The following ELMO2 variants were observed in gnomAD, a reference collection of about 807,000 sequenced individuals.
ELMO2 encodes the protein engulfment and cell motility protein 2.
Under a neutral mutation model 96.2 loss-of-function variants are expected in ELMO2, and 37 were observed. The ratio of observed to expected loss-of-function variants is 0.38; its 90% CI spans 0.30 to 0.51. ELMO2 has a LOEUF of 0.51. Ranked by LOEUF, ELMO2 falls within the 20% of genes least tolerant of loss-of-function variation. The pLI is 0.88. For missense variants in ELMO2, 561 were observed against 912.6 expected (o/e 0.61, Z 4.96); for synonymous variants, 315 against 329.4 (o/e 0.96, Z 0.47).
rs1394806445 is a variant in ELMO2, at chr20:46,371,926, G to C, written c.1460C>G (p.Ser487Cys). Residue 487 changes from serine to cysteine, a missense_variant, in exon 17 of 22, where the codon TCC (serine) becomes TGC (cysteine). Transcript: ENST00000290246. The surrounding 1 kb of genome is among the most constrained non-coding windows in gnomAD (Gnocchi z 5.9). ...VREQITRALPSKPNSLDQFKS... is the reference protein window; with the variant it reads ...VREQITRALPCKPNSLDQFKS... ...GAACTGATCCAAAGAGTTGGGTTTG[G>C]AGGGCAAAGCTCGAGTGATTTGCTC... 8 of 1,614,032 alleles carry C rather than the reference G, an allele frequency of 5.0e-6. No homozygotes were observed. Among genetic ancestry groups the C allele is most frequent in the Non-Finnish European group, 5.1e-6 (6 of 1,180,048 alleles).
intron 1 of ELMO2, among the ~76,000 whole-genome samples, chr20:46,404,659 C>G (rs1568796025): frequency 6.6e-6 from 1 of 152,198 alleles, no homozygotes; most frequent in South Asian, 2.1e-4. Context: ...TAGGTGGTTA[C>G]TAAGCACTTG....
rs1164210713 is a variant in ELMO2, at chr20:46,373,877, C to CA, written c.1280-343dup. On this transcript the variant is annotated intron_variant, in intron 15 of 21. Transcript: ENST00000290246. ...TATCAGCTGATGCAGTGATTTAAAA[C>CA]AAAAAACAAAATTAAAAACCCACCT... Among the ~76,000 whole-genome samples the CA allele has an allele frequency of 1.2e-4, 18 of 147,398 alleles. No individual in the cohort carries two copies. The East Asian group carries it at 3.6e-3, about 29-fold the overall frequency.
chr20:46,404,015 T>A (rs1600902941), intron 1 of ELMO2, among the ~76,000 whole-genome samples: 1 of 151,350 alleles, frequency 6.6e-6, no homozygotes, highest in Non-Finnish European at 1.5e-5. Context: ...ACGTGGGAGG[T>A]GGAGGTTGCA....
chr20:46,373,392 C>T lies in ELMO2; in HGVS notation c.1416+7G>A, dbSNP rs190370104. The T allele has an allele frequency of 6.2e-7, 1 of 1,614,188 alleles. No individual in the cohort carries two copies. Among genetic ancestry groups the T allele is most frequent in the East Asian group, 2.2e-5 (1 of 44,886 alleles). ...CGTGGGCCTCAGAGCAGCCCGGAGA[C>T]ACTGACCTTGTTGAAGTCCTCTGCT... On this transcript the variant is annotated splice_region_variant and intron_variant, in intron 16 of 21. Transcript: ENST00000290246.
chr20:46,390,152 C>A (rs1568777157), intron 6 of ELMO2, among the ~76,000 whole-genome samples: 1 of 151,164 alleles, frequency 6.6e-6, no homozygotes, highest in African/African-American at 2.4e-5. Flanking sequence ...GACTCCATCT[C>A]AAAAAAAATA....
Position 46,375,687 on chromosome 20 carries a change from T to C in ELMO2, c.911A>G (p.Lys304Arg). 6.2e-7 allele frequency: 1 copy of C among 1,614,150 alleles called. No individual in the cohort carries two copies. Among genetic ancestry groups the C allele is most frequent in the Non-Finnish European group, 8.5e-7 (1 of 1,179,974 alleles). ...ACCTACCTGGTCATTGGGGTCCATC[T>C]TGGTCATCATCCTTTCTTCCAGAAG... is the stretch of plus-strand genomic sequence containing the variant. The part of the protein sequence containing the change: ...FNLLEERMMT[K>R]MDPNDQAQRD... The change falls in exon 12 of 22, where the codon AAG becomes AGG. Residue 304 changes from lysine to arginine, a missense_variant. Lys to Arg is a conservative substitution (Grantham distance 26). Transcript: ENST00000290246. This position sits in a 1 kb window ranked among gnomAD's most constrained non-coding sequence, Gnocchi z 4.6.
chr20:46,373,590 G>A (rs781365739), intron 15 of ELMO2, 55 bp from the exon 16 acceptor site: 2 of 1,593,668 alleles, frequency 1.3e-6, no homozygotes, highest in South Asian at 1.1e-5. Context: ...AAGGGCCTGG[G>A]AGCTCATGTC....
At position 46,371,505 on chromosome 20, in the gene ELMO2, G is replaced by T. The variant is rs781290331; in HGVS notation, c.1694-46C>A. ...AACAGGTGAGCAACGACAGTACTGG[G>T]AAAGGCCTGGGCACAAAAGGGGCCA... On this transcript the variant is annotated intron_variant, in intron 18 of 21. Transcript: ENST00000290246. This position sits in a 1 kb window ranked among gnomAD's most constrained non-coding sequence, Gnocchi z 5.9. 6.2e-7 allele frequency: 1 copy of T among 1,612,398 alleles called. No individual in the cohort carries two copies. Among genetic ancestry groups the T allele is most frequent in the South Asian group, 1.1e-5 (1 of 91,038 alleles).
chr20:46,404,636 C>T lies in ELMO2; in HGVS notation c.-126+1912G>A, dbSNP rs75067271. On this transcript the variant is annotated intron_variant, in intron 1 of 21. Transcript: ENST00000290246. ...TGTGACACTGTACAGCCCAATACCA[C>T]AATCCCTGGCCATAGGTGGTTACTA... 8.6e-3 allele frequency among the ~76,000 whole-genome samples: 1,310 copies of T among 152,312 alleles called. 19 individuals carry two copies. The highest frequency in any genetic ancestry group is 0.03 in the African/African-American group (1,247 of 41,558).
chr20:46,392,020 C>T (rs188729457), intron 6 of ELMO2, among the ~76,000 whole-genome samples: 139 of 152,262 alleles, frequency 9.1e-4, no homozygotes, highest in African/African-American at 3.2e-3. Flanking sequence ...TTTACTTGAC[C>T]ACTTCAGTGT....
At chr20:46,404,294 A>G (rs935060181) in intron 1 of ELMO2, among the ~76,000 whole-genome samples, 4 of 152,218 alleles carry the variant, frequency 2.6e-5, no homozygotes, top group Admixed American at 6.5e-5. Context: ...CCACCTTGGC[A>G]GGTGGTACTG....
Position 46,384,406 on chromosome 20 carries a change from A to G in ELMO2, c.678-912T>C, listed in dbSNP as rs2060006870. ...TCACATGGTACCCAGGGAGTCTAAC[A>G]GAGGGCACTAAGTATCCCTCAGCCC... is the stretch of plus-strand genomic sequence containing the variant. On this transcript the variant is annotated intron_variant, in intron 9 of 21. Transcript: ENST00000290246. 5.9e-5 allele frequency among the ~76,000 whole-genome samples: 9 copies of G among 152,324 alleles called. 1 individual carries two copies. The South Asian group carries it at 1.7e-3, about 28-fold the overall frequency.
Position 46,367,188 on chromosome 20 carries a change from A to C in ELMO2, c.*172T>G. 3.5e-6 allele frequency: 2 copies of C among 575,376 alleles called. No homozygotes were observed. The highest frequency in any genetic ancestry group is 5.8e-6 in the Non-Finnish European group (2 of 345,860). The allele number at this position is 575,376 out of a possible 1,614,324, so 35.6% of individuals were successfully genotyped here. On this transcript the variant is annotated 3_prime_UTR_variant, in exon 22 of 22. Coordinates refer to ENST00000290246, the MANE Select transcript of ELMO2 (RefSeq NM_133171.5). ...CCTTCATGACTCTTAGTAGACAGGG[A>C]CCAAGAGGAAACTCTGGGTGGTCCG...
chr20:46,393,723 A>C lies in ELMO2; in HGVS notation c.120-122T>G, dbSNP rs186500139. On this transcript the variant is annotated intron_variant, in intron 4 of 21. Coordinates refer to ENST00000290246, the MANE Select transcript of ELMO2 (RefSeq NM_133171.5). ...GGCCTATTTGGAATACAGTGGAAAC[A>C]AAGCTTTAGGTTGTCATGTTGAAAA... The C allele has an allele frequency of 2.0e-4, 228 of 1,112,726 alleles. 2 individuals are homozygous for C. The Admixed American group carries it at 3.5e-3, about 17-fold the overall frequency. The allele number at this position is 1,112,726 out of a possible 1,614,324, so 68.9% of individuals were successfully genotyped here.
intron 1 of ELMO2, among the ~76,000 whole-genome samples, chr20:46,401,969 C>T (rs2060344334): frequency 6.6e-6 from 1 of 152,158 alleles, no homozygotes; most frequent in South Asian, 2.1e-4. Flanking sequence ...GATGTGCATA[C>T]CAGCAGCGGC....
rs776733201 is a variant in ELMO2 at position 46,367,409 on chromosome 20, G to C, written c.2114C>G (p.Pro705Arg). Residue 705 changes from proline to arginine, a missense_variant, in exon 22 of 22, where the codon CCC becomes CGC. Transcript: ENST00000290246. ...ENIQIPEAPP[P>R]IPKEPSSYDF... ...ATAGCTGCTGGGCTCCTTGGGGATG[G>C]GGGGTGGGGCTTCGGGAATCTGGAT... is the stretch of plus-strand genomic sequence containing the variant. 3.1e-6 allele frequency: 5 copies of C among 1,609,930 alleles called. No homozygotes were observed. The African/African-American group carries it at 5.4e-5, about 17-fold the overall frequency.
chr20:46,384,182 G>A (rs922660056), intron 9 of ELMO2, among the ~76,000 whole-genome samples: 3 of 152,226 alleles, frequency 2.0e-5, no homozygotes, highest in African/African-American at 7.2e-5. Flanking sequence ...GTCTGGAGGT[G>A]AGATAATGGG....
chr20:46,374,778 T>A (rs1289297070), intron 13 of ELMO2, 138 bp from the exon 14 acceptor site: 2 of 711,966 alleles, frequency 2.8e-6, no homozygotes, highest in Admixed American at 5.2e-5. Flanking sequence ...TTCACACCCA[T>A]CACCACCACT....
At chr20:46,373,669 G>A (rs1411973787) in intron 15 of ELMO2, 134 bp from the exon 16 acceptor site, 2 of 1,123,658 alleles carry the variant, frequency 1.8e-6, no homozygotes, top group African/African-American at 1.6e-5. Context: ...GGGAGCGTGG[G>A]ATGGGCGTTT....
Sources: allele counts gnomAD v4.1 joint callset (sites outside exome capture counted in the v4.1 genomes callset), GRCh38; gene constraint gnomAD v4.1.1; non-coding constraint Gnocchi (gnomAD v3.1); transcripts MANE v1.5; gene names NCBI Gene and HGNC (gene_info 2026-07-23, HGNC 2026-07-21).